HIBADH: variants seen among roughly 807,000 people sequenced by gnomAD.
HIBADH encodes the protein 3-hydroxyisobutyrate dehydrogenase, mitochondrial.
Under a neutral mutation model 36.1 loss-of-function variants are expected in HIBADH, and 25 were observed. The ratio of observed to expected loss-of-function variants is 0.69; its 90% CI spans 0.50 to 0.97. The LOEUF is 0.97. Ranked by LOEUF, HIBADH falls within the 50% of genes least tolerant of loss-of-function variation. The pLI, the probability that HIBADH is intolerant of heterozygous loss-of-function variation, is 0.00. For synonymous variants in HIBADH, 160 were observed against 149.5 expected (o/e 1.07, Z -0.51); for missense variants, 421 against 418.0 (o/e 1.01, Z -0.06).
At position 27,645,382 on chromosome 7, in the gene HIBADH, T is replaced by TG. The variant is rs1554300968; in HGVS notation, c.252+4090_252+4091insC. On this transcript the variant is annotated intron_variant, in intron 2 of 7. Coordinates refer to ENST00000265395, the MANE Select transcript of HIBADH (RefSeq NM_152740.4). ...TCATGGTTTTGATTTTTTTTTTTTT[T>TG]TTTTTTTTTTTTTGAGACAGAGTCT... Among the ~76,000 whole-genome samples, 333 of 129,106 alleles carry TG rather than the reference T, an allele frequency of 2.6e-3. 12 individuals carry two copies. The highest frequency in any genetic ancestry group is 0.01 in the African/African-American group (322 of 31,832). The allele number at this position is 129,106 out of a possible 152,430, so 84.7% of individuals were successfully genotyped here.
intron 4 of HIBADH, among the ~76,000 whole-genome samples, chr7:27,608,811 T>C (rs1406040538): frequency 1.3e-5 from 2 of 152,316 alleles, no homozygotes; most frequent in South Asian, 2.1e-4. Flanking sequence ...CCAGACCCAA[T>C]TGTGTCTGAC....
At chr7:27,599,926 T>C (rs1480980591) in intron 4 of HIBADH, among the ~76,000 whole-genome samples, 1 of 151,920 alleles carries the variant, frequency 6.6e-6, no homozygotes, top group Non-Finnish European at 1.5e-5. Flanking sequence ...GAATGCTATA[T>C]CACATTTTTG....
intron 4 of HIBADH, among the ~76,000 whole-genome samples, chr7:27,568,229 T>C (rs1162852754): frequency 6.6e-6 from 1 of 152,226 alleles, no homozygotes; most frequent in East Asian, 1.9e-4. Flanking sequence ...GCAGATCAAC[T>C]GGAGATAATT....
At chr7:27,581,810 TA>T (rs1040132882) in intron 4 of HIBADH, among the ~76,000 whole-genome samples, 3 of 151,162 alleles carry the variant, frequency 2.0e-5, no homozygotes, top group Admixed American at 6.6e-5. Context: ...ATTCTCATTT[TA>T]AAAAAATGAG....
At chr7:27,537,411 A>T (rs1784084578) in intron 6 of HIBADH, among the ~76,000 whole-genome samples, 1 of 152,134 alleles carries the variant, frequency 6.6e-6, no homozygotes, top group Non-Finnish European at 1.5e-5. Context: ...TTTCAAAAAT[A>T]TCTCAAGTAT....
At chr7:27,542,442 T>G (rs910290680) in intron 5 of HIBADH, among the ~76,000 whole-genome samples, 5 of 131,386 alleles carry the variant, frequency 3.8e-5, no homozygotes, top group Admixed American at 2.3e-4. Flanking sequence ...TTTCCCGTTT[T>G]TTTTTTTTTT....
rs140175451 is a variant in HIBADH, at chr7:27,658,137, G to A, written c.91+4561C>T. ...AGGTGAAACACCTGAATAAGCGCTT[G>A]GCAAATATAAAATAATTTGCACCCA... On this transcript the variant is annotated intron_variant, in intron 1 of 7. Coordinates refer to ENST00000265395, the MANE Select transcript of HIBADH (RefSeq NM_152740.4). Among the ~76,000 whole-genome samples the A allele has an allele frequency of 2.0e-4, 30 of 152,134 alleles. 1 individual carries two copies. In the East Asian group the frequency reaches 4.6e-3, roughly 23 times the overall value.
chr7:27,531,336 G>A lies in HIBADH; in HGVS notation c.708C>T (p.Asp236=), dbSNP rs770032420. Residue 236 remains aspartate, a synonymous_variant, in exon 7 of 8, where the codon GAC becomes GAT. Coordinates refer to ENST00000265395, the MANE Select transcript of HIBADH (RefSeq NM_152740.4). The part of the protein sequence containing the change: ...AMNLGIRLGL[D]PKLLAKILNM... ...TTAGGATTTTAGCCAGTAGTTTTGG[G>A]TCAAGCCCTAACCTGTCAAAGGTCA... is the stretch of plus-strand genomic sequence containing the variant. The A allele has an allele frequency of 1.9e-6, 3 of 1,612,514 alleles. No homozygotes were observed.
intron 2 of HIBADH, 114 bp downstream of exon 2, chr7:27,649,359 C>A (rs1786135522): frequency 2.8e-6 from 2 of 725,782 alleles, no homozygotes; most frequent in Admixed American, 3.4e-5. Flanking sequence ...AAAATTAACA[C>A]TGAATTAGGT....
intron 4 of HIBADH, among the ~76,000 whole-genome samples, chr7:27,615,219 A>G (rs1253457455): frequency 2.0e-5 from 3 of 152,142 alleles, no homozygotes; most frequent in Non-Finnish European, 4.4e-5. Flanking sequence ...TGCTATGAAG[A>G]AGACAGGAGG....
chr7:27,593,794 T>C (rs1168443912), intron 4 of HIBADH, among the ~76,000 whole-genome samples: 2 of 151,974 alleles, frequency 1.3e-5, no homozygotes, highest in South Asian at 2.1e-4. Context: ...GAAAAACTAG[T>C]AGAATAAGAG....
At position 27,525,525 on chromosome 7, in the gene HIBADH, C is replaced by A. The variant is rs552288526; in HGVS notation, c.*689G>T. Reference sequence around the variant, plus strand: ...AATAATTATCTAAAGCAAATATCATCATTGGCTCTGAAATGCATCTAAAGA... The same window carrying A: ...AATAATTATCTAAAGCAAATATCATAATTGGCTCTGAAATGCATCTAAAGA... On this transcript the variant is annotated 3_prime_UTR_variant, in exon 8 of 8. Transcript: ENST00000265395. 1 of 152,204 alleles carries A rather than the reference C, an allele frequency of 6.6e-6. No homozygotes were observed. The highest frequency in any genetic ancestry group is 2.1e-4 in the South Asian group (1 of 4,818). 9.4% of individuals were successfully genotyped at this position (152,204 alleles called of 1,614,324 possible).
intron 4 of HIBADH, among the ~76,000 whole-genome samples, chr7:27,575,390 T>G (rs150543837): frequency 6.6e-6 from 1 of 152,270 alleles, no homozygotes; most frequent in East Asian, 1.9e-4. Context: ...TGGTTAGAAT[T>G]TAAGGCATGT....
intron 4 of HIBADH, among the ~76,000 whole-genome samples, chr7:27,573,946 T>C (rs1332943140): frequency 6.6e-6 from 1 of 152,188 alleles, no homozygotes; most frequent in Non-Finnish European, 1.5e-5. Flanking sequence ...ATGTGACTAC[T>C]AAAAAATTTT....
At chr7:27,646,353 C>G (rs752694741) in intron 2 of HIBADH, among the ~76,000 whole-genome samples, 2 of 152,110 alleles carry the variant, frequency 1.3e-5, no homozygotes, top group Non-Finnish European at 2.9e-5. Context: ...TCAAAAAGAA[C>G]CAAAACTCCG....
At chr7:27,651,520 C>A (rs1786195154) in intron 1 of HIBADH, among the ~76,000 whole-genome samples, 1 of 152,078 alleles carries the variant, frequency 6.6e-6, no homozygotes, top group Admixed American at 6.6e-5. Context: ...AACAAACTAG[C>A]AATAATAGCC....
At chr7:27,588,376 T>C (rs1029700380) in intron 4 of HIBADH, among the ~76,000 whole-genome samples, 28 of 152,350 alleles carry the variant, frequency 1.8e-4, no homozygotes, top group African/African-American at 6.3e-4. Context: ...TCACCCAGGA[T>C]GGAATGCAGT....
intron 4 of HIBADH, among the ~76,000 whole-genome samples, chr7:27,571,372 G>A (rs529002367): frequency 6.6e-6 from 1 of 152,090 alleles, no homozygotes; most frequent in African/African-American, 2.4e-5. Flanking sequence ...ACAGGCATGT[G>A]CCACCATGCC....
chr7:27,606,630 C>T (rs1235463303), intron 4 of HIBADH, among the ~76,000 whole-genome samples: 3 of 152,230 alleles, frequency 2.0e-5, no homozygotes, highest in Non-Finnish European at 4.4e-5. Flanking sequence ...TTTATTCTCA[C>T]TTAGCTCTAA....
Sources: gnomAD v4.1 joint callset for allele counts (sites outside exome capture counted in the v4.1 genomes callset) on GRCh38, gnomAD v4.1.1 for gene constraint, MANE v1.5 for transcripts, NCBI Gene and HGNC (gene_info 2026-07-23, HGNC 2026-07-21) for gene names.